Variants in ST8SIA5 observed in about 807,000 individuals in gnomAD.
ST8SIA5 encodes the protein ST8 alpha-N-acetyl-neuraminide alpha-2,8-sialyltransferase 5, also known as alpha-2,8-sialyltransferase 8E.
A neutral mutation model predicts 40.2 loss-of-function variants in ST8SIA5; 24 were observed. The observed-to-expected ratio is 0.60, with a 90% CI of 0.43 to 0.84. The LOEUF (loss-of-function observed/expected upper bound fraction) is 0.84, where lower values mean the gene tolerates loss of function less well. ST8SIA5 is among the 40% of genes least tolerant of loss of function. The pLI, the probability that ST8SIA5 is intolerant of heterozygous loss-of-function variation, is 0.00. For synonymous variants in ST8SIA5, 198 were observed against 201.8 expected, an observed-to-expected ratio of 0.98 and a Z score of 0.16; for missense variants, 465 against 498.5, an observed-to-expected ratio of 0.93 and a Z score of 0.64.
At chr18:46,734,788 T>A (rs1216554539) in intron 1 of ST8SIA5, among the ~76,000 whole-genome samples, 1 of 152,220 alleles carries the variant, frequency 6.6e-6, no homozygotes, top group Non-Finnish European at 1.5e-5. Flanking sequence ...ATAAGATAGT[T>A]GTAAACTCTT....
In ST8SIA5 at chr18:46,680,260, G is replaced by C; in HGVS notation, c.913C>G (p.Leu305Val). Residue 305 changes from leucine (L) to valine (V), a missense_variant, in exon 7 of 7, where the codon CTG (leucine) becomes GTG (valine). Coordinates refer to ENST00000315087, the MANE Select transcript of ST8SIA5 (RefSeq NM_013305.6). ...RAKRISTGLI[L>V]VTAALELCEE... ...CAGAGCTCCAGCGCCGCAGTGACCA[G>C]AATGAGGCCGGTGCTGATGCGCTTG... 6.2e-7 allele frequency: 1 copy of C among 1,614,258 alleles called. No individual in the cohort carries two copies. Among genetic ancestry groups the C allele is most frequent in the Non-Finnish European group, 8.5e-7 (1 of 1,180,046 alleles).
intron 5 of ST8SIA5, among the ~76,000 whole-genome samples, chr18:46,685,181 T>C (rs1263893202): frequency 2.6e-5 from 4 of 152,194 alleles, no homozygotes; most frequent in Non-Finnish European, 5.9e-5. Context: ...TGCCTAGCAA[T>C]GCTGGAGCCT....
intron 2 of ST8SIA5, among the ~76,000 whole-genome samples, chr18:46,700,855 G>C (rs559669623): frequency 6.6e-6 from 1 of 152,306 alleles, no homozygotes; most frequent in African/African-American, 2.4e-5. Context: ...AAGTGGAATC[G>C]ATGGAAGGTG....
intron 2 of ST8SIA5, among the ~76,000 whole-genome samples, chr18:46,700,003 C>T (rs569573753): frequency 1.3e-5 from 2 of 152,180 alleles, no homozygotes; most frequent in South Asian, 4.1e-4. Context: ...TGACAGGAGA[C>T]GCTGGCCTGG....
intron 1 of ST8SIA5, 32 bp downstream of exon 1, chr18:46,756,346 G>A (rs1429786589): frequency 6.2e-7 from 1 of 1,604,168 alleles, no homozygotes; most frequent in Admixed American, 1.7e-5. Flanking sequence ...GGCCGGCTCC[G>A]CGCATCCCGC....
chr18:46,728,846 C>G (rs1202638454), intron 1 of ST8SIA5, among the ~76,000 whole-genome samples: 1 of 152,154 alleles, frequency 6.6e-6, no homozygotes, highest in African/African-American at 2.4e-5. Context: ...CCTTCCCTGT[C>G]CAACGGCCTG....
chr18:46,679,965 G>C lies in ST8SIA5; in HGVS notation c.*77C>G. 1 of 1,430,670 alleles carries C rather than the reference G, an allele frequency of 7.0e-7. No homozygotes were observed. Among genetic ancestry groups the C allele is most frequent in the Non-Finnish European group, 9.4e-7 (1 of 1,059,450 alleles). 88.6% of individuals were successfully genotyped at this position (1,430,670 alleles called of 1,614,324 possible). ...GAACGCCAGGACCCCACGCTGCCCG[G>C]TTCGGGGCTCCCAGTTCCACCAGGA... On this transcript the variant is annotated 3_prime_UTR_variant, in exon 7 of 7. Coordinates refer to ENST00000315087, the MANE Select transcript of ST8SIA5 (RefSeq NM_013305.6).
At chr18:46,711,435 A>G (rs1015837317) in intron 1 of ST8SIA5, among the ~76,000 whole-genome samples, 3 of 152,168 alleles carry the variant, frequency 2.0e-5, no homozygotes, top group African/African-American at 7.2e-5. Context: ...TGGAAAAGAA[A>G]CCTGAGGACT....
At chr18:46,716,130 A>AGATAGATAGATT (rs1568266055) in intron 1 of ST8SIA5, among the ~76,000 whole-genome samples, 2 of 146,756 alleles carry the variant, frequency 1.4e-5, no homozygotes, top group Non-Finnish European at 3.0e-5. Context: ...ATAGATAGAT[A>AGATAGATAGATT]GATAGATATA....
At chr18:46,708,373 C>A (rs1481122703) in intron 1 of ST8SIA5, among the ~76,000 whole-genome samples, 1 of 152,172 alleles carries the variant, frequency 6.6e-6, no homozygotes, top group Non-Finnish European at 1.5e-5. Flanking sequence ...TGGACATGGA[C>A]CTGCTTGATC....
At chr18:46,692,359 C>G (rs2039514631) in intron 2 of ST8SIA5, 104 bp from the exon 3 acceptor site, 3 of 997,190 alleles carry the variant, frequency 3.0e-6, no homozygotes, top group Non-Finnish European at 4.7e-6. Context: ...CAAGTCCAGT[C>G]CTGGGGCTGG....
In ST8SIA5 at chr18:46,699,977, G is replaced by A. The variant is rs549369237; in HGVS notation, c.224+4595C>T. Among the ~76,000 whole-genome samples the A allele has an allele frequency of 2.2e-3, 336 of 152,348 alleles. 2 individuals carry two copies. Among genetic ancestry groups the A allele is most frequent in the Non-Finnish European group, 3.7e-3 (251 of 68,038 alleles). On this transcript the variant is annotated intron_variant, in intron 2 of 6. Transcript: ENST00000315087. ...GCTCAGCACAGAGCTCCCAGTGGCAGAAAAATGGGGAAGGGTGACAGGAGA... is the reference window on the plus strand; with the variant it reads ...GCTCAGCACAGAGCTCCCAGTGGCAAAAAAATGGGGAAGGGTGACAGGAGA...
At position 46,756,504 on chromosome 18, in the gene ST8SIA5, C is replaced by T. The variant is rs745905472; in HGVS notation, c.5G>A (p.Arg2His). 2.5e-6 allele frequency: 4 copies of T among 1,612,306 alleles called. No homozygotes were observed. The East Asian group carries it at 8.9e-5, about 36-fold the overall frequency. M[R>H]YADPSANRDL... ...CCGGTTGGCCGAGGGGTCCGCGTAG[C>T]GCATCCTGGCTACCGGGCGCCGCGG... The change falls in exon 1 of 7, where the codon CGC becomes CAC. Residue 2 changes from arginine to histidine, a missense_variant. Arg to His is a conservative substitution (Grantham distance 29). Transcript: ENST00000315087.
At chr18:46,735,840 C>T (rs1443575835) in intron 1 of ST8SIA5, among the ~76,000 whole-genome samples, 9 of 151,964 alleles carry the variant, frequency 5.9e-5, no homozygotes, top group Admixed American at 3.3e-4. Context: ...CTCAAATTCC[C>T]GGGGTCAAGT....
intron 1 of ST8SIA5, among the ~76,000 whole-genome samples, chr18:46,705,140 G>C (rs1015687832): frequency 5.9e-5 from 9 of 152,212 alleles, no homozygotes; most frequent in Non-Finnish European, 1.2e-4. Flanking sequence ...CTGTGACATA[G>C]CTGAGACTGA....
At chr18:46,687,965 G>A (rs906870779) in intron 4 of ST8SIA5, among the ~76,000 whole-genome samples, 3 of 152,170 alleles carry the variant, frequency 2.0e-5, no homozygotes, top group Non-Finnish European at 2.9e-5. Context: ...AGGTTCCAGC[G>A]CCCCTTCTCT....
rs1344965578 is a variant in ST8SIA5 at position 46,669,766 on chromosome 18, T to A, written c.*10276A>T. On this transcript the variant is annotated 3_prime_UTR_variant, in exon 7 of 7. Coordinates refer to ENST00000315087, the MANE Select transcript of ST8SIA5 (RefSeq NM_013305.6). ...AGAGTCTCCAATGTCAGGGGGAAAA[T>A]GTTAAGTTCAAAAGAGTGAGTTTGG... is the stretch of plus-strand genomic sequence containing the variant. 6.6e-6 allele frequency: 1 copy of A among 151,884 alleles called. No homozygotes were observed. Among genetic ancestry groups the A allele is most frequent in the Non-Finnish European group, 1.5e-5 (1 of 68,016 alleles). The allele number at this position is 151,884 out of a possible 1,614,324, so 9.4% of individuals were successfully genotyped here.
At chr18:46,704,221 A>T (rs4890684) in intron 2 of ST8SIA5, among the ~76,000 whole-genome samples, 2 of 152,052 alleles carry the variant, frequency 1.3e-5, no homozygotes, top group African/African-American at 2.4e-5. Flanking sequence ...GCGGTGCAAC[A>T]TACTGAATTT....
At chr18:46,695,614 G>A (rs1350206232) in intron 2 of ST8SIA5, among the ~76,000 whole-genome samples, 8 of 152,192 alleles carry the variant, frequency 5.3e-5, no homozygotes, top group Non-Finnish European at 1.2e-4. Flanking sequence ...CCCTGACTAT[G>A]CTCACTCACA....
Sources: allele counts gnomAD v4.1 joint callset (sites outside exome capture counted in the v4.1 genomes callset), GRCh38; gene constraint gnomAD v4.1.1; transcripts MANE v1.5; gene names NCBI Gene and HGNC (gene_info 2026-07-23, HGNC 2026-07-21).